RIN2: variants seen among roughly 807,000 people sequenced by gnomAD.
RIN2 encodes the protein RAB5 interacting protein 2.
RIN2 carries 36 observed loss-of-function variants against 78.0 expected under a neutral mutation model. That is an observed-to-expected ratio of 0.46 (90% CI 0.35 to 0.61). The LOEUF (loss-of-function observed/expected upper bound fraction) is 0.61. RIN2 is among the 20% of genes least tolerant of loss of function. The pLI is 0.00. For synonymous variants in RIN2, 466 were observed against 466.8 expected (o/e 1.00, Z 0.02); for missense variants, 1,087 against 1,159.7 (o/e 0.94, Z 0.91).
chr20:19,779,345 G>A (rs909628115), intron 1 of RIN2, among the ~76,000 whole-genome samples: 2 of 152,120 alleles, frequency 1.3e-5, no homozygotes, highest in South Asian at 4.2e-4. Context: ...AATACTTACT[G>A]AGTGCTACCA....
intron 2 of RIN2, among the ~76,000 whole-genome samples, chr20:19,802,690 C>T (rs952325728): frequency 6.6e-6 from 1 of 152,066 alleles, no homozygotes; most frequent in Non-Finnish European, 1.5e-5. Flanking sequence ...ATTTTTAATA[C>T]CAACTGAGTG....
At chr20:19,996,319 CAAACAAACAAAA>C (rs1270020894) in intron 11 of RIN2, among the ~76,000 whole-genome samples, 1 of 151,976 alleles carries the variant, frequency 6.6e-6, no homozygotes. Flanking sequence ...GTCTCAAAAA[CAAACAAACAAAA>C]AAACAAACAA....
chr20:19,992,401 T>A lies in RIN2; in HGVS notation c.2200+102T>A, dbSNP rs938675632. On this transcript the variant is annotated intron_variant, in intron 11 of 12. Transcript: ENST00000255006. ...TCACATAACATTAATCATTTTACAGTGAATAATTCAGTGGCATTTAGTATA... is the reference window on the plus strand; with the variant it reads ...TCACATAACATTAATCATTTTACAGAGAATAATTCAGTGGCATTTAGTATA... The A allele has an allele frequency of 1.0e-5, 12 of 1,171,184 alleles. No homozygotes were observed. In the African/African-American group the frequency reaches 1.7e-4, roughly 17 times the overall value. 72.5% of individuals were successfully genotyped at this position (1,171,184 alleles called of 1,614,324 possible). A position where few individuals can be genotyped will look rare whatever the true frequency, so the allele number is the denominator to read the frequency against.
intron 2 of RIN2, among the ~76,000 whole-genome samples, chr20:19,866,913 C>T (rs1034709298): frequency 6.6e-6 from 1 of 152,098 alleles, no homozygotes; most frequent in African/African-American, 2.4e-5. Context: ...GAGTGAGCCA[C>T]CATACCTGGC....
Position 19,975,745 on chromosome 20 carries a change from C to A in RIN2, c.1720C>A (p.Leu574Met), listed in dbSNP as rs756019791. Residue 574 changes from leucine (L) to methionine (M), a missense_variant, in exon 9 of 13, where the codon CTG becomes ATG. Coordinates refer to ENST00000255006, the MANE Select transcript of RIN2 (RefSeq NM_018993.4). This position sits in a 1 kb window ranked among gnomAD's most constrained non-coding sequence, Gnocchi z 4.9. ...VKNYLSQSSE[L>M]DPPIESLIPE... Reference sequence around the variant, plus strand: ...GAACTATTTGTCTCAGAGCTCGGAGCTGGACCCCCCCATCGAGTCGCTGAT... The same window carrying A: ...GAACTATTTGTCTCAGAGCTCGGAGATGGACCCCCCCATCGAGTCGCTGAT... 2.5e-6 allele frequency: 4 copies of A among 1,612,760 alleles called. No individual in the cohort carries two copies. The highest frequency in any genetic ancestry group is 2.5e-6 in the Non-Finnish European group (3 of 1,179,514).
intron 12 of RIN2, among the ~76,000 whole-genome samples, chr20:19,999,235 G>GTTTC (rs2043066160): frequency 6.6e-6 from 1 of 151,936 alleles, no homozygotes; most frequent in Non-Finnish European, 1.5e-5. Context: ...CTGTGCCTCA[G>GTTTC]TTTCTGCACT....
intron 4 of RIN2, among the ~76,000 whole-genome samples, chr20:19,953,547 T>C (rs992558454): frequency 4.0e-5 from 6 of 151,126 alleles, no homozygotes; most frequent in African/African-American, 1.5e-4. Context: ...TTCAAGCAAT[T>C]CTCCCGCCCT....
At chr20:19,785,462 A>G (rs1284859419) in intron 1 of RIN2, among the ~76,000 whole-genome samples, 1 of 152,208 alleles carries the variant, frequency 6.6e-6, no homozygotes, top group African/African-American at 2.4e-5. Context: ...CCGGAGAGGA[A>G]ATGGGGAAAT....
chr20:19,806,294 C>T (rs1600498849), intron 2 of RIN2, among the ~76,000 whole-genome samples: 1 of 152,124 alleles, frequency 6.6e-6, no homozygotes, highest in Non-Finnish European at 1.5e-5. Flanking sequence ...AGGAATCGCC[C>T]CAGTGTTTTC....
At chr20:19,999,129 C>G (rs2281357) in intron 12 of RIN2, among the ~76,000 whole-genome samples, 16,495 of 152,102 alleles carry the variant, frequency 0.11, 1,997 homozygotes, top group East Asian at 0.63. Context: ...GAGGTCTTCT[C>G]ACATGGGAAG....
intron 1 of RIN2, among the ~76,000 whole-genome samples, chr20:19,770,030 G>A (rs2034053020): frequency 6.6e-6 from 1 of 152,190 alleles, no homozygotes; most frequent in African/African-American, 2.4e-5. Flanking sequence ...AAACCTCTTG[G>A]TTGTAGTTGG....
At chr20:19,886,720 G>C (rs1393084372) in intron 2 of RIN2, 2 of 1,549,342 alleles carry the variant, frequency 1.3e-6, no homozygotes, top group South Asian at 1.2e-5. Context: ...GGGAAGCCAG[G>C]AAAAGAACAA....
intron 7 of RIN2, among the ~76,000 whole-genome samples, chr20:19,966,338 T>TC (rs1401563637): frequency 1.3e-5 from 2 of 151,976 alleles, no homozygotes; most frequent in South Asian, 2.1e-4. Flanking sequence ...TTTTTTTTTT[T>TC]TGAGATGGAG....
chr20:19,806,253 G>A (rs561361347), intron 2 of RIN2, among the ~76,000 whole-genome samples: 3 of 152,278 alleles, frequency 2.0e-5, no homozygotes, highest in African/African-American at 7.2e-5. Context: ...GGATTGCTGG[G>A]TCAAATGGTA....
chr20:19,846,377 ATTTG>A (rs1270541497), intron 2 of RIN2, among the ~76,000 whole-genome samples: 2 of 152,096 alleles, frequency 1.3e-5, no homozygotes, highest in Non-Finnish European at 2.9e-5. Flanking sequence ...ATGTTTTTCC[ATTTG>A]TTTGTGTCCC....
intron 1 of RIN2, among the ~76,000 whole-genome samples, chr20:19,797,772 T>C (rs1032888779): frequency 5.3e-5 from 8 of 152,170 alleles, no homozygotes; most frequent in African/African-American, 1.9e-4. Context: ...ATCACTAACA[T>C]TGACGGTGGT....
intron 3 of RIN2, among the ~76,000 whole-genome samples, chr20:19,903,960 T>C (rs1358060907): frequency 1.3e-5 from 2 of 152,134 alleles, no homozygotes; most frequent in Non-Finnish European, 2.9e-5. Flanking sequence ...TCAATAAATA[T>C]GCTGGATGGG....
At chr20:19,818,754 GA>G (rs1265221489) in intron 2 of RIN2, among the ~76,000 whole-genome samples, 58 of 113,478 alleles carry the variant, frequency 5.1e-4, no homozygotes, top group East Asian at 1.7e-3. Context: ...GAAAGAAAGA[GA>G]AAAAAAAAAA....
chr20:19,759,193 G>A (rs1444370048), intron 1 of RIN2, among the ~76,000 whole-genome samples: 1 of 152,234 alleles, frequency 6.6e-6, no homozygotes, highest in Non-Finnish European at 1.5e-5. Flanking sequence ...GAAATACAGG[G>A]CAAGATCGGT....
Sources: allele counts gnomAD v4.1 joint callset (sites outside exome capture counted in the v4.1 genomes callset), GRCh38; gene constraint gnomAD v4.1.1; non-coding constraint Gnocchi (gnomAD v3.1); transcripts MANE v1.5; gene names NCBI Gene and HGNC (gene_info 2026-07-23, HGNC 2026-07-21).